Variants in PDZRN4 observed in about 807,000 individuals in gnomAD.
The protein encoded by PDZRN4 is PDZ domain containing ring finger 4, also known as PDZ domain-containing RING finger protein 4.
PDZRN4 carries 70 observed loss-of-function variants against 99.0 expected under a neutral mutation model. The observed-to-expected ratio is 0.71, with a 90% confidence interval of 0.58 to 0.86. The LOEUF (loss-of-function observed/expected upper bound fraction) is 0.86. PDZRN4 is among the 40% of genes least tolerant of loss of function. The probability of loss-of-function intolerance (pLI) is 0.00; values close to 1 mark genes in which losing one functional copy is unlikely to be tolerated. For synonymous variants in PDZRN4, 551 were observed against 501.6 expected (o/e 1.10, Z -1.32); for missense variants, 1,474 against 1,331.2 (o/e 1.11, Z -1.67).
intron 3 of PDZRN4, among the ~76,000 whole-genome samples, chr12:41,203,213 A>T (rs1412440273): frequency 1.3e-5 from 2 of 152,064 alleles, no homozygotes; most frequent in Non-Finnish European, 2.9e-5. Context: ...TTGTATATTA[A>T]TTAAACAAGC....
chr12:41,505,599 C>A (rs1346806401), intron 3 of PDZRN4, among the ~76,000 whole-genome samples: 1 of 152,096 alleles, frequency 6.6e-6, no homozygotes, highest in Non-Finnish European at 1.5e-5. Flanking sequence ...GAGAGTCCCA[C>A]AAAAAGAATA....
chr12:41,368,123 G>A (rs1423894225), intron 3 of PDZRN4, among the ~76,000 whole-genome samples: 1 of 152,000 alleles, frequency 6.6e-6, no homozygotes, highest in Non-Finnish European at 1.5e-5. Flanking sequence ...AATCAAAGTA[G>A]AGAAAGATGA....
intron 4 of PDZRN4, among the ~76,000 whole-genome samples, 178 bp downstream of exon 4, chr12:41,506,890 T>C (rs1237838965): frequency 3.9e-5 from 6 of 152,124 alleles, no homozygotes; most frequent in African/African-American, 1.2e-4. Context: ...TGGTCCCTGC[T>C]AGCTACTCTC....
intron 3 of PDZRN4, among the ~76,000 whole-genome samples, chr12:41,471,149 T>C (rs1592073389): frequency 6.6e-6 from 1 of 152,218 alleles, no homozygotes; most frequent in East Asian, 1.9e-4. Context: ...ACAAACTTTC[T>C]TAGGACAAAG....
intron 3 of PDZRN4, among the ~76,000 whole-genome samples, chr12:41,325,485 T>C (rs781737105): frequency 1.2e-4 from 19 of 152,198 alleles, no homozygotes; most frequent in Admixed American, 5.2e-4. Flanking sequence ...TCTGAGGAAA[T>C]AAGATAAGAC....
intron 3 of PDZRN4, among the ~76,000 whole-genome samples, chr12:41,268,878 T>C (rs773837413): frequency 1.5e-4 from 23 of 152,168 alleles, no homozygotes; most frequent in Non-Finnish European, 2.9e-4. Context: ...GATAAAAACA[T>C]GGAAAATTGC....
intron 6 of PDZRN4, among the ~76,000 whole-genome samples, chr12:41,553,527 CA>C (rs34859944): frequency 0.74 from 108,538 of 146,838 alleles, 39,712 homozygotes; most frequent in African/African-American, 0.81. Flanking sequence ...TCTGTCTCTA[CA>C]AAAAAAAAAA....
intron 5 of PDZRN4, among the ~76,000 whole-genome samples, chr12:41,542,180 A>AT (rs1938869067): frequency 6.6e-6 from 1 of 152,214 alleles, no homozygotes; most frequent in Admixed American, 6.5e-5. Context: ...TTGAAGAGCT[A>AT]TTTTCAGTAA....
chr12:41,525,272 A>C (rs990484975), intron 5 of PDZRN4, among the ~76,000 whole-genome samples: 1 of 152,186 alleles, frequency 6.6e-6, no homozygotes, highest in Non-Finnish European at 1.5e-5. Flanking sequence ...TAGAGGTCTA[A>C]TTGTATCGCT....
chr12:41,419,321 C>A (rs1343191378), intron 3 of PDZRN4, among the ~76,000 whole-genome samples: 1 of 152,088 alleles, frequency 6.6e-6, no homozygotes, highest in Non-Finnish European at 1.5e-5. Context: ...CTGGTGCAGG[C>A]TGCAGTTGGT....
intron 3 of PDZRN4, among the ~76,000 whole-genome samples, chr12:41,195,413 T>A (rs189440340): frequency 6.6e-6 from 1 of 152,292 alleles, no homozygotes. Context: ...CTATATTAAA[T>A]TTTAAATAAA....
At chr12:41,529,770 G>T (rs74572036) in intron 5 of PDZRN4, among the ~76,000 whole-genome samples, 207 of 152,194 alleles carry the variant, frequency 1.4e-3, no homozygotes, top group African/African-American at 4.8e-3. Context: ...GTGTCCTCAG[G>T]GTATGTGTCA....
intron 3 of PDZRN4, among the ~76,000 whole-genome samples, chr12:41,466,641 G>C (rs146714110): frequency 1.3e-5 from 2 of 152,040 alleles, no homozygotes; most frequent in South Asian, 2.1e-4. Flanking sequence ...AAACGTGGAG[G>C]GGGGGACACC....
chr12:41,384,921 G>A (rs1236533298), intron 3 of PDZRN4, among the ~76,000 whole-genome samples: 2 of 152,154 alleles, frequency 1.3e-5, no homozygotes, highest in African/African-American at 4.8e-5. Flanking sequence ...TTCAGTAAGT[G>A]AAGGCTTTCC....
At chr12:41,192,559 A>C (rs1185016079) in intron 2 of PDZRN4, among the ~76,000 whole-genome samples, 1 of 152,232 alleles carries the variant, frequency 6.6e-6, no homozygotes, top group Non-Finnish European at 1.5e-5. Flanking sequence ...ATGTGTAGGC[A>C]ATTTCTATTT....
At chr12:41,270,085 TA>T (rs1194696550) in intron 3 of PDZRN4, among the ~76,000 whole-genome samples, 1 of 152,208 alleles carries the variant, frequency 6.6e-6, no homozygotes, top group Non-Finnish European at 1.5e-5. Flanking sequence ...GATTTGACTT[TA>T]ATTTCACGTT....
At chr12:41,327,179 A>C (rs191156761) in intron 3 of PDZRN4, among the ~76,000 whole-genome samples, 1 of 152,254 alleles carries the variant, frequency 6.6e-6, no homozygotes. Flanking sequence ...TTGAGCTTAC[A>C]TTGTTCAGGC....
intron 3 of PDZRN4, among the ~76,000 whole-genome samples, chr12:41,233,051 A>G (rs1951039487): frequency 6.6e-6 from 1 of 152,080 alleles, no homozygotes; most frequent in Admixed American, 6.6e-5. Context: ...TACCAGTACC[A>G]TGCTGTTTTG....
intron 3 of PDZRN4, among the ~76,000 whole-genome samples, chr12:41,368,500 T>C (rs1158039995): frequency 6.6e-5 from 10 of 152,038 alleles, no homozygotes; most frequent in Non-Finnish European, 2.9e-5. Context: ...TTTAAAGGAA[T>C]TATATACACG....
Sources: allele counts gnomAD v4.1 joint callset (sites outside exome capture counted in the v4.1 genomes callset), GRCh38; gene constraint gnomAD v4.1.1; transcripts MANE v1.5; gene names NCBI Gene and HGNC (gene_info 2026-07-23, HGNC 2026-07-21).